Variants in LONP2 observed in about 807,000 individuals in gnomAD.
LONP2 encodes lon protease homolog 2, peroxisomal.
Under a neutral mutation model 85.6 loss-of-function variants are expected in LONP2, and 60 were observed. That is an observed-to-expected ratio of 0.70 (90% confidence interval 0.57 to 0.87). LONP2 has a LOEUF of 0.87. Among genes scored for constraint, LONP2 ranks in the 40% least tolerant of loss-of-function variants. The pLI, the probability that LONP2 is intolerant of heterozygous loss-of-function variation, is 0.00. For missense variants in LONP2, 860 were observed against 1,063.5 expected (o/e 0.81, Z 2.66); for synonymous variants, 395 against 389.7 (o/e 1.01, Z -0.16).
At position 48,289,591 on chromosome 16, in the gene LONP2, A is replaced by G. The variant is rs543603223; in HGVS notation, c.1384-6424A>G. On this transcript the variant is annotated intron_variant, in intron 8 of 14. Coordinates refer to ENST00000285737, the MANE Select transcript of LONP2 (RefSeq NM_031490.5). The stretch of plus-strand genomic sequence containing the variant: ...GGGGCCAAATATATTTTCTTTTCAC[A>G]GCACACATGGACAGCAATGTGCTGT... Among the ~76,000 whole-genome samples, 12 of 152,284 alleles carry G rather than the reference A, an allele frequency of 7.9e-5. No individual in the cohort carries two copies. The East Asian group carries it at 2.3e-3, about 29-fold the overall frequency.
At chr16:48,319,138 G>A (rs1425181426) in intron 11 of LONP2, among the ~76,000 whole-genome samples, 2 of 152,114 alleles carry the variant, frequency 1.3e-5, no homozygotes, top group Non-Finnish European at 2.9e-5. Context: ...CTGGCACTTT[G>A]GGAGGCCGAG....
chr16:48,338,296 G>T lies in LONP2; in HGVS notation c.1938+3938G>T, dbSNP rs1596998067. On this transcript the variant is annotated intron_variant, in intron 12 of 14. Coordinates refer to ENST00000285737, the MANE Select transcript of LONP2 (RefSeq NM_031490.5). Reference sequence around the variant, plus strand: ...CTGCCTTCATGGATCCCACTTTAATGCAGGAAAACAATAGACAAGTAAACA... The same window carrying T: ...CTGCCTTCATGGATCCCACTTTAATTCAGGAAAACAATAGACAAGTAAACA... Among the ~76,000 whole-genome samples the T allele has an allele frequency of 2.0e-5, 3 of 152,284 alleles. No homozygotes were observed. In the East Asian group the frequency reaches 5.8e-4, roughly 29 times the overall value.
intron 12 of LONP2, chr16:48,334,923 A>C (rs1034812799): frequency 5.9e-6 from 2 of 336,616 alleles, no homozygotes; most frequent in South Asian, 2.7e-5. Context: ...TGGTGTACTC[A>C]GGTGGTTGCT....
rs748546446 is a variant in LONP2 at position 48,351,572 on chromosome 16, T to A, written c.2338-9T>A. The A allele has an allele frequency of 1.2e-6, 2 of 1,609,228 alleles. No individual in the cohort carries two copies. The highest frequency in any genetic ancestry group is 4.5e-5 in the East Asian group (2 of 44,800). The stretch of plus-strand genomic sequence containing the variant: ...CATTAACCCTAAAAACTTTTTTCTC[T>A]CCTTACAGGTGGGTGGAATTAAAGA... On this transcript the variant is annotated splice_polypyrimidine_tract_variant and intron_variant, in intron 14 of 14. Transcript: ENST00000285737.
At chr16:48,349,791 G>A (rs1255111491) in intron 14 of LONP2, among the ~76,000 whole-genome samples, 16 of 152,228 alleles carry the variant, frequency 1.1e-4, no homozygotes, top group Admixed American at 1.0e-3. Context: ...AAATGGAATG[G>A]AACAAATTAT....
intron 7 of LONP2, among the ~76,000 whole-genome samples, chr16:48,270,499 G>A (rs1422180881): frequency 6.6e-6 from 1 of 152,098 alleles, no homozygotes; most frequent in African/African-American, 2.4e-5. Flanking sequence ...ACTACTCTGT[G>A]CCTCAACTTT....
rs1960374559 is a variant in LONP2 at position 48,356,686 on chromosome 16, T to C, written c.*4884T>C. ...AAAGAGGAAGGAAATATCAAAAAGG[T>C]CTGAATAGACAACAGGCAAATATGG... On this transcript the variant is annotated 3_prime_UTR_variant, in exon 15 of 15. Transcript: ENST00000285737. 1 of 391,190 alleles carries C rather than the reference T, an allele frequency of 2.6e-6. No homozygotes were observed. The highest frequency in any genetic ancestry group is 7.6e-5 in the East Asian group (1 of 13,228). The allele number at this position is 391,190 out of a possible 1,614,324, so 24.2% of individuals were successfully genotyped here. A position where few individuals can be genotyped will look rare whatever the true frequency, so the allele number is the denominator to read the frequency against.
intron 1 of LONP2, among the ~76,000 whole-genome samples, chr16:48,250,359 G>A (rs980822696): frequency 6.6e-6 from 1 of 152,074 alleles, no homozygotes; most frequent in Non-Finnish European, 1.5e-5. Flanking sequence ...GTGTGTGCCT[G>A]TAGTCCCAGC....
chr16:48,315,522 C>T (rs954521009), intron 11 of LONP2, among the ~76,000 whole-genome samples: 7 of 152,270 alleles, frequency 4.6e-5, no homozygotes, highest in African/African-American at 1.7e-4. Context: ...ATAAGGATAT[C>T]AGTCTCACCC....
Position 48,334,240 on chromosome 16 carries a change from A to T in LONP2, c.1820A>T (p.Asp607Val). ...GGTTGCAGAGAACACATCTTAGAAG[A>T]TGAAAAACCTGAATCTATCAGTGAC... Reference protein sequence around the residue: ...REGCREHILEDEKPESISDTT... With the variant: ...REGCREHILEVEKPESISDTT... Residue 607 changes from aspartate to valine, a missense_variant, in exon 12 of 15, where the codon GAT becomes GTT. Physicochemically the swap from Asp to Val is radical, Grantham distance 152. Around this residue, in one of 3 missense-constraint regions of LONP2, gnomAD observed 743 missense variants for 917.3 expected, o/e 0.81. Coordinates refer to ENST00000285737, the MANE Select transcript of LONP2 (RefSeq NM_031490.5). The T allele has an allele frequency of 2.5e-6, 4 of 1,614,084 alleles. No individual in the cohort carries two copies. Among genetic ancestry groups the T allele is most frequent in the Non-Finnish European group, 3.4e-6 (4 of 1,179,942 alleles).
chr16:48,354,609 T>G lies in LONP2; in HGVS notation c.*2807T>G, dbSNP rs1960268268. The G allele has an allele frequency of 6.8e-6, 1 of 147,590 alleles. No individual in the cohort carries two copies. Among genetic ancestry groups the G allele is most frequent in the Admixed American group, 6.7e-5 (1 of 15,008 alleles). 9.1% of individuals were successfully genotyped at this position (147,590 alleles called of 1,614,324 possible). On this transcript the variant is annotated 3_prime_UTR_variant, in exon 15 of 15. Coordinates refer to ENST00000285737, the MANE Select transcript of LONP2 (RefSeq NM_031490.5). Reference sequence around the variant, plus strand: ...AGACCCTGGTAACCACTATTTCACTTTCTTTCTGAATTTCCCTTCATATGA... The same window carrying G: ...AGACCCTGGTAACCACTATTTCACTGTCTTTCTGAATTTCCCTTCATATGA...
chr16:48,250,208 C>A (rs2150961287), intron 1 of LONP2, among the ~76,000 whole-genome samples: 1 of 151,380 alleles, frequency 6.6e-6, no homozygotes, highest in East Asian at 2.0e-4. Context: ...ACAAAAAAAC[C>A]ACAGTGGCTC....
At chr16:48,329,875 G>A (rs951526894) in intron 11 of LONP2, among the ~76,000 whole-genome samples, 6 of 152,172 alleles carry the variant, frequency 3.9e-5, no homozygotes, top group African/African-American at 1.4e-4. Context: ...TACTTATATT[G>A]GATCTAAGTT....
intron 11 of LONP2, among the ~76,000 whole-genome samples, chr16:48,324,611 TTGA>T (rs1324632299): frequency 1.3e-5 from 2 of 152,240 alleles, no homozygotes; most frequent in African/African-American, 4.8e-5. Context: ...AATAAGTATT[TTGA>T]TGATTTGTCA....
At chr16:48,264,679 T>C (rs1880017066) in intron 6 of LONP2, among the ~76,000 whole-genome samples, 1 of 152,276 alleles carries the variant, frequency 6.6e-6, no homozygotes, top group East Asian at 1.9e-4. Context: ...AGAGTATTGA[T>C]TGAGGAAGTG....
intron 11 of LONP2, among the ~76,000 whole-genome samples, chr16:48,316,467 C>T (rs1278689977): frequency 6.6e-6 from 1 of 150,486 alleles, no homozygotes; most frequent in African/African-American, 2.5e-5. Context: ...GCTGGGATTA[C>T]AGGCGCCCGC....
chr16:48,277,266 T>A (rs934262576), intron 7 of LONP2, 72 bp from the exon 8 acceptor site: 4 of 1,470,380 alleles, frequency 2.7e-6, no homozygotes, highest in Non-Finnish European at 3.7e-6. Context: ...ATTCCTAAGT[T>A]TTGATTTCTG....
At chr16:48,360,244 T>C (rs1444726870), downstream of LONP2, among the ~76,000 whole-genome samples, 34 of 150,676 alleles carry the variant, frequency 2.3e-4, no homozygotes, top group Admixed American at 1.8e-3. Context: ...GGCTATGAAA[T>C]AGTGAATTTA....
chr16:48,357,788 C>G (rs1477487311), downstream of LONP2, among the ~76,000 whole-genome samples: 2 of 152,124 alleles, frequency 1.3e-5, no homozygotes, highest in Non-Finnish European at 2.9e-5. Flanking sequence ...CTATCTACAG[C>G]CACTTACATA....
Sources: allele counts gnomAD v4.1 joint callset (sites outside exome capture counted in the v4.1 genomes callset), GRCh38; gene constraint gnomAD v4.1.1; regional missense constraint gnomAD v4.1.1; transcripts MANE v1.5; gene names NCBI Gene and HGNC (gene_info 2026-07-23, HGNC 2026-07-21).